Variants in USP30 observed in about 807,000 individuals in gnomAD.
The protein encoded by USP30 is ubiquitin specific peptidase 30.
In USP30, 41 loss-of-function variants were observed where a neutral mutation model predicts 68.2. That is an observed-to-expected ratio of 0.60 (90% confidence interval 0.47 to 0.78). USP30 has a LOEUF of 0.78. Among genes scored for constraint, USP30 ranks in the 30% least tolerant of loss-of-function variants. The pLI, the probability that USP30 is intolerant of heterozygous loss-of-function variation, is 0.00. For synonymous variants in USP30, 229 were observed against 253.7 expected (o/e 0.90, Z 0.93); for missense variants, 522 against 649.4 (o/e 0.80, Z 2.13).
At chr12:109,071,442 A>G (rs1252978250) in intron 4 of USP30, among the ~76,000 whole-genome samples, 170 bp from the exon 5 acceptor site, 1 of 152,048 alleles carries the variant, frequency 6.6e-6, no homozygotes. Flanking sequence ...GAGGGTCTTC[A>G]CTCGTGACAG....
chr12:109,058,889 G>T (rs140637519), intron 3 of USP30, among the ~76,000 whole-genome samples: 22 of 152,324 alleles, frequency 1.4e-4, no homozygotes, highest in Admixed American at 1.4e-3. Flanking sequence ...GCCCTGTCCA[G>T]CTGTTGGACA....
chr12:109,034,966 G>T (rs7972579), intron 3 of USP30, among the ~76,000 whole-genome samples: 5,139 of 152,138 alleles, frequency 0.034, 280 homozygotes, highest in African/African-American at 0.11. Flanking sequence ...CTGTTTGAAT[G>T]ATACCACTTT....
chr12:109,041,970 T>TA (rs776538166), intron 3 of USP30, among the ~76,000 whole-genome samples: 1 of 152,056 alleles, frequency 6.6e-6, no homozygotes, highest in Non-Finnish European at 1.5e-5. Flanking sequence ...TTTTTAATTA[T>TA]AAAAAAATTG....
upstream of USP30, chr12:109,052,547 G>C (rs1447341577): frequency 2.3e-6 from 2 of 860,720 alleles, no homozygotes; most frequent in African/African-American, 3.6e-5. Flanking sequence ...GCTGTCCTGC[G>C]GTCTACGTTC....
intron 3 of USP30, among the ~76,000 whole-genome samples, chr12:109,034,872 A>T (rs2040508079): frequency 6.6e-6 from 1 of 151,498 alleles, no homozygotes; most frequent in Non-Finnish European, 1.5e-5. Flanking sequence ...CATTATAAAG[A>T]TTTTTTGGTT....
intron 7 of USP30, among the ~76,000 whole-genome samples, chr12:109,075,021 C>G (rs2041554523): frequency 6.6e-6 from 1 of 152,204 alleles, no homozygotes; most frequent in African/African-American, 2.4e-5. Context: ...CCAGGTTCAT[C>G]CATGTTGTCA....
Position 109,083,046 on chromosome 12 carries a change from G to C in USP30, c.1152G>C (p.Pro384=). 1 of 1,610,436 alleles carries C rather than the reference G, an allele frequency of 6.2e-7. No homozygotes were observed. The highest frequency in any genetic ancestry group is 8.5e-7 in the Non-Finnish European group (1 of 1,178,034). ...CTACACTGGAGCTGCAGGATGGGCCGGGAGCCCCCACACCAGGTGTGTGCG... is the reference window on the plus strand; with the variant it reads ...CTACACTGGAGCTGCAGGATGGGCCCGGAGCCCCCACACCAGGTGTGTGCG... ...PGPTLELQDG[P]GAPTPVLNQP... The change falls in exon 11 of 13, where the codon CCG becomes CCC. Residue 384 remains proline (P), a synonymous_variant. Coordinates refer to ENST00000257548, the MANE Select transcript of USP30 (RefSeq NM_032663.5).
At chr12:109,053,646 C>A in intron 1 of USP30, 1 of 178,792 alleles carries the variant, frequency 5.6e-6, no homozygotes, top group Non-Finnish European at 1.2e-5. Context: ...CTGTCCAGTG[C>A]CCCCATTCCG....
At chr12:109,068,139 T>C (rs902934850) in intron 4 of USP30, among the ~76,000 whole-genome samples, 5 of 152,206 alleles carry the variant, frequency 3.3e-5, no homozygotes, top group South Asian at 2.1e-4. Flanking sequence ...CTGCCTTTTT[T>C]GGAACTTGGC....
chr12:109,045,080 G>A (rs1048764555), intron 3 of USP30, among the ~76,000 whole-genome samples: 1 of 146,858 alleles, frequency 6.8e-6, no homozygotes, highest in Non-Finnish European at 1.5e-5. Context: ...CGGGTTCTAA[G>A]CGATTCTCCT....
intron 9 of USP30, 153 bp from the exon 10 acceptor site, chr12:109,082,510 A>G: frequency 1.5e-6 from 1 of 678,828 alleles, no homozygotes; most frequent in South Asian, 1.9e-5. Context: ...GGATCAGGGA[A>G]AACAATTCAC....
At chr12:109,055,401 T>TATATATATATATATATATATA (rs61062424) in intron 1 of USP30, among the ~76,000 whole-genome samples, 2 of 29,636 alleles carry the variant, frequency 6.7e-5, no homozygotes, top group African/African-American at 2.4e-4. Flanking sequence ...TATATATATA[T>TATATATATATATATATATATA]TTTTTTTTTT....
At chr12:109,052,783 CT>C (rs1423348380) in intron 1 of USP30, 22 bp downstream of exon 1, 1 of 1,440,418 alleles carries the variant, frequency 6.9e-7, no homozygotes, top group African/African-American at 1.5e-5. Context: ...GGGGGCGGGG[CT>C]GCCGAAGAGG....
chr12:109,039,995 A>G (rs1239710754), intron 3 of USP30, among the ~76,000 whole-genome samples: 1 of 152,222 alleles, frequency 6.6e-6, no homozygotes, highest in African/African-American at 2.4e-5. Flanking sequence ...TTGGGGTGAT[A>G]TATGATATAA....
Position 109,055,393 on chromosome 12 carries a change from T to TAC in USP30, c.84-1288_84-1287insCA, listed in dbSNP as rs1566084860. Among the ~76,000 whole-genome samples, 327 of 61,664 alleles carry TAC rather than the reference T, an allele frequency of 5.3e-3. 4 individuals are homozygous for TAC. Among genetic ancestry groups the TAC allele is most frequent in the East Asian group, 0.013 (13 of 1,004 alleles). 40.5% of individuals were successfully genotyped at this position (61,664 alleles called of 152,430 possible). A position where few individuals can be genotyped will look rare whatever the true frequency, so the allele number is the denominator to read the frequency against. On this transcript the variant is annotated intron_variant, in intron 1 of 12. Coordinates refer to ENST00000257548, the MANE Select transcript of USP30 (RefSeq NM_032663.5). Reference sequence around the variant, plus strand: ...ACATATATATACATATATATATATATATATATATTTTTTTTTTTTTTTTTT... The same window carrying TAC: ...ACATATATATACATATATATATATATACATATATATTTTTTTTTTTTTTTTTT...
At chr12:109,082,084 A>G in intron 9 of USP30, 65 bp downstream of exon 9, 1 of 1,524,728 alleles carries the variant, frequency 6.6e-7, no homozygotes, top group East Asian at 2.2e-5. Flanking sequence ...CGCCTCTCAC[A>G]CCAGTGACCC....
At chr12:109,074,494 A>G (rs768373857) in intron 7 of USP30, among the ~76,000 whole-genome samples, 1 of 152,186 alleles carries the variant, frequency 6.6e-6, no homozygotes, top group Non-Finnish European at 1.5e-5. Context: ...TCCCACCGGC[A>G]GTGTATGAGG....
At chr12:109,052,994 C>T (rs989993234) in intron 1 of USP30, 17 of 399,506 alleles carry the variant, frequency 4.3e-5, no homozygotes, top group African/African-American at 2.9e-4. Flanking sequence ...TCAGTCCCTC[C>T]CCCTCCTGTC....
At chr12:109,050,981 C>G (rs1252284936), upstream of USP30, among the ~76,000 whole-genome samples, 1 of 151,824 alleles carries the variant, frequency 6.6e-6, no homozygotes, top group Non-Finnish European at 1.5e-5. Context: ...CAGAGCAAGA[C>G]TCCATCTCAA....
Sources: allele counts gnomAD v4.1 joint callset (sites outside exome capture counted in the v4.1 genomes callset), GRCh38; gene constraint gnomAD v4.1.1; transcripts MANE v1.5; gene names NCBI Gene and HGNC (gene_info 2026-07-23, HGNC 2026-07-21).